The following FSTL5 variants were observed in gnomAD, a reference collection of about 807,000 sequenced individuals.
The protein encoded by FSTL5 is follistatin like 5, also known as follistatin-related protein 5.
FSTL5 carries 62 observed loss-of-function variants against 89.1 expected under a neutral mutation model. The ratio of observed to expected loss-of-function variants is 0.70; its 90% CI spans 0.57 to 0.86. The LOEUF (loss-of-function observed/expected upper bound fraction) is 0.86. FSTL5 is among the 40% of genes least tolerant of loss of function. The probability of loss-of-function intolerance (pLI) is 0.00; values close to 1 mark genes in which losing one functional copy is unlikely to be tolerated. For missense variants in FSTL5, 1,057 were observed against 1,001.6 expected, an observed-to-expected ratio of 1.06 and a Z score of -0.75; for synonymous variants, 383 against 346.2, an observed-to-expected ratio of 1.11 and a Z score of -1.18.
chr4:161,963,574 G>A (rs1310125704), intron 3 of FSTL5, among the ~76,000 whole-genome samples: 1 of 151,602 alleles, frequency 6.6e-6, no homozygotes, highest in Non-Finnish European at 1.5e-5. Context: ...AAAAAATATG[G>A]GATTTCTTTA....
At chr4:161,609,184 G>T (rs893561263) in intron 7 of FSTL5, among the ~76,000 whole-genome samples, 1 of 151,962 alleles carries the variant, frequency 6.6e-6, no homozygotes, top group Non-Finnish European at 1.5e-5. Context: ...TGTTCAATGG[G>T]CATTTGAATA....
chr4:161,927,163 G>A (rs1734150121), intron 3 of FSTL5, among the ~76,000 whole-genome samples: 1 of 151,294 alleles, frequency 6.6e-6, no homozygotes, highest in Non-Finnish European at 1.5e-5. Context: ...ATAATAAATA[G>A]GAAAATAAAT....
At chr4:162,149,478 TTA>T (rs138378664) in intron 1 of FSTL5, among the ~76,000 whole-genome samples, 27,633 of 150,594 alleles carry the variant, frequency 0.18, 2,983 homozygotes, top group Non-Finnish European at 0.24. Context: ...AATGTAAAAT[TTA>T]AAAAAAAAAA....
chr4:161,514,522 A>G (rs192224279), intron 10 of FSTL5, among the ~76,000 whole-genome samples: 199 of 152,290 alleles, frequency 1.3e-3, no homozygotes, highest in Non-Finnish European at 2.4e-3. Flanking sequence ...TTTACTATTC[A>G]GGTGATAGTT....
chr4:161,876,500 T>G (rs1312187967), intron 4 of FSTL5, among the ~76,000 whole-genome samples: 2 of 152,238 alleles, frequency 1.3e-5, no homozygotes, highest in East Asian at 3.8e-4. Flanking sequence ...AAAGTTACTT[T>G]GTTACAATGT....
intron 12 of FSTL5, among the ~76,000 whole-genome samples, chr4:161,493,100 A>T (rs1468274766): frequency 6.6e-6 from 1 of 151,966 alleles, no homozygotes; most frequent in Non-Finnish European, 1.5e-5. Context: ...ACAATGAGAA[A>T]TTAAGCCAGT....
intron 6 of FSTL5, among the ~76,000 whole-genome samples, chr4:161,675,325 C>A (rs1278583373): frequency 6.6e-6 from 1 of 151,658 alleles, no homozygotes; most frequent in East Asian, 1.9e-4. Context: ...ATATTTTCTA[C>A]TAATAAATGC....
At chr4:162,011,123 G>A (rs1426728385) in intron 3 of FSTL5, among the ~76,000 whole-genome samples, 3 of 152,124 alleles carry the variant, frequency 2.0e-5, no homozygotes, top group East Asian at 1.9e-4. Context: ...GTTAGGAGAA[G>A]TGTACATGGC....
At chr4:162,128,714 G>T (rs1376732152) in intron 1 of FSTL5, among the ~76,000 whole-genome samples, 2 of 151,988 alleles carry the variant, frequency 1.3e-5, no homozygotes, top group African/African-American at 4.8e-5. Context: ...TAAGAAAATA[G>T]AAAAAAGCTG....
chr4:161,437,300 C>T (rs1267798370), intron 15 of FSTL5, among the ~76,000 whole-genome samples: 3 of 152,060 alleles, frequency 2.0e-5, no homozygotes, highest in African/African-American at 7.2e-5. Context: ...GGCGCAGTGG[C>T]TCACGCCTGT....
Position 161,481,099 on chromosome 4 carries a change from TTGA to T in FSTL5, c.1526_1528del (p.Val509_Lys510delinsGlu). ...CTGTGCAACATAAATGAACTTGTCT[TTGA>T]CATTAACAGCTGATGCCCACACACA... On this transcript the variant is annotated inframe_deletion, in exon 13 of 16. Coordinates refer to ENST00000306100, the MANE Select transcript of FSTL5 (RefSeq NM_020116.5). 3.1e-6 allele frequency: 5 copies of T among 1,613,200 alleles called. No homozygotes were observed. The highest frequency in any genetic ancestry group is 4.2e-6 in the Non-Finnish European group (5 of 1,179,396).
chr4:161,395,512 A>C (rs1423026142), intron 15 of FSTL5, among the ~76,000 whole-genome samples: 1 of 152,244 alleles, frequency 6.6e-6, no homozygotes, highest in African/African-American at 2.4e-5. Flanking sequence ...CTATAAATTT[A>C]ATATACTCTT....
intron 7 of FSTL5, among the ~76,000 whole-genome samples, chr4:161,612,063 C>G (rs1201435675): frequency 6.6e-6 from 1 of 152,064 alleles, no homozygotes; most frequent in African/African-American, 2.4e-5. Flanking sequence ...GTGTGGGAAG[C>G]CAAGAGAGAA....
rs142809337 is a variant in FSTL5 at position 162,106,732 on chromosome 4, T to C, written c.126+4539A>G. On this transcript the variant is annotated intron_variant, in intron 2 of 15. Coordinates refer to ENST00000306100, the MANE Select transcript of FSTL5 (RefSeq NM_020116.5). Reference sequence around the variant, plus strand: ...GGTTTAAGTTCTAGTTCTGTCTTGATTGCAGATAACGCTAAGGTTTTAATG... The same window carrying C: ...GGTTTAAGTTCTAGTTCTGTCTTGACTGCAGATAACGCTAAGGTTTTAATG... Among the ~76,000 whole-genome samples, 40 of 152,288 alleles carry C rather than the reference T, an allele frequency of 2.6e-4. No individual in the cohort carries two copies. In the East Asian group the frequency reaches 7.5e-3, roughly 29 times the overall value.
intron 7 of FSTL5, among the ~76,000 whole-genome samples, chr4:161,615,553 G>A (rs1417296035): frequency 3.3e-5 from 5 of 151,160 alleles, no homozygotes; most frequent in Non-Finnish European, 7.4e-5. Context: ...ACACATGCAT[G>A]TACACGCACA....
In FSTL5 at chr4:161,478,554, C is replaced by A. The variant is rs143343314; in HGVS notation, c.1608+2466G>T. 7.0e-4 allele frequency among the ~76,000 whole-genome samples: 107 copies of A among 152,158 alleles called. No individual in the cohort carries two copies. In the East Asian group the frequency reaches 0.017, roughly 24 times the overall value. On this transcript the variant is annotated intron_variant, in intron 13 of 15. Coordinates refer to ENST00000306100, the MANE Select transcript of FSTL5 (RefSeq NM_020116.5). Reference sequence around the variant, plus strand: ...GGGAACTCTAGACAGCACTTCAACACTATGTGTGGAGGACATTTTAAACAG... The same window carrying A: ...GGGAACTCTAGACAGCACTTCAACAATATGTGTGGAGGACATTTTAAACAG...
At chr4:161,697,217 G>T (rs1034980393) in intron 6 of FSTL5, among the ~76,000 whole-genome samples, 3 of 152,178 alleles carry the variant, frequency 2.0e-5, no homozygotes, top group Admixed American at 2.0e-4. Context: ...GGGACGGGAA[G>T]TGCTATAGGA....
At chr4:161,808,878 G>T (rs1055505505) in intron 4 of FSTL5, among the ~76,000 whole-genome samples, 1 of 152,094 alleles carries the variant, frequency 6.6e-6, no homozygotes, top group Admixed American at 6.6e-5. Context: ...ACACATAAAT[G>T]GCCAGCAAGC....
intron 6 of FSTL5, among the ~76,000 whole-genome samples, chr4:161,681,188 A>G (rs1737506400): frequency 1.3e-5 from 2 of 152,218 alleles, no homozygotes; most frequent in South Asian, 4.1e-4. Context: ...AGAAATTATT[A>G]AACTAAATAT....
Sources: gnomAD v4.1 joint callset for allele counts (sites outside exome capture counted in the v4.1 genomes callset) on GRCh38, gnomAD v4.1.1 for gene constraint, MANE v1.5 for transcripts, NCBI Gene and HGNC (gene_info 2026-07-23, HGNC 2026-07-21) for gene names.